Variants in IMMP2L observed in about 807,000 individuals in gnomAD.
The protein encoded by IMMP2L is mitochondrial inner membrane protease subunit 2.
In IMMP2L, 18 loss-of-function variants were observed where a neutral mutation model predicts 19.3. The ratio of observed to expected loss-of-function variants is 0.93; its 90% CI spans 0.64 to 1.38. The LOEUF (loss-of-function observed/expected upper bound fraction) is 1.38. Among genes scored for constraint, IMMP2L ranks in the 40% most tolerant of loss-of-function variants. The pLI, the probability that IMMP2L is intolerant of heterozygous loss-of-function variation, is 0.00. For missense variants in IMMP2L, 233 were observed against 218.2 expected (o/e 1.07, Z -0.43); for synonymous variants, 76 against 73.0 (o/e 1.04, Z -0.21).
chr7:111,008,460 T>C (rs1400230511), intron 3 of IMMP2L, among the ~76,000 whole-genome samples: 1 of 151,976 alleles, frequency 6.6e-6, no homozygotes, highest in East Asian at 1.9e-4. Context: ...TCAAATGTTG[T>C]ATTAGAAAAA....
intron 5 of IMMP2L, among the ~76,000 whole-genome samples, chr7:110,862,853 A>C (rs562541086): frequency 6.6e-6 from 1 of 152,092 alleles, no homozygotes; most frequent in Admixed American, 6.6e-5. Flanking sequence ...AGCAAGTTTG[A>C]GTACAGCCTT....
chr7:111,252,273 C>T (rs1816228476), intron 3 of IMMP2L, among the ~76,000 whole-genome samples: 1 of 152,014 alleles, frequency 6.6e-6, no homozygotes, highest in African/African-American at 2.4e-5. Flanking sequence ...CGGAAACAAA[C>T]TCAAAGTGTA....
At chr7:111,278,262 T>C (rs886529354) in intron 3 of IMMP2L, among the ~76,000 whole-genome samples, 4 of 152,200 alleles carry the variant, frequency 2.6e-5, no homozygotes, top group African/African-American at 7.2e-5. Flanking sequence ...CATACACATT[T>C]ACAGTGCTTC....
chr7:110,899,953 T>C (rs1007866894), intron 4 of IMMP2L, among the ~76,000 whole-genome samples: 1 of 152,336 alleles, frequency 6.6e-6, no homozygotes, highest in Admixed American at 6.5e-5. Flanking sequence ...CCAAGAAATA[T>C]GCTCAATTAT....
chr7:110,701,894 T>C (rs1794314749), intron 5 of IMMP2L, among the ~76,000 whole-genome samples: 1 of 152,132 alleles, frequency 6.6e-6, no homozygotes, highest in African/African-American at 2.4e-5. Flanking sequence ...TCTATATGTG[T>C]ATAGTCAAAT....
chr7:111,550,036 A>T (rs1849303296), intron 1 of IMMP2L, among the ~76,000 whole-genome samples: 1 of 152,082 alleles, frequency 6.6e-6, no homozygotes, highest in Non-Finnish European at 1.5e-5. Context: ...AACAGTGCTA[A>T]ATAGTTATTA....
rs541790211 is a variant in IMMP2L, at chr7:111,168,281, G to GT, written c.240-204717dup. ...TTTTTACTTGTGGGCTTTAAGTTCT[G>GT]TTTTTTTTTTCTACAGACCTGAACC... On this transcript the variant is annotated intron_variant, in intron 3 of 5. Coordinates refer to ENST00000405709, the MANE Select transcript of IMMP2L (RefSeq NM_032549.4). Among the ~76,000 whole-genome samples, 819 of 147,452 alleles carry GT rather than the reference G, an allele frequency of 5.6e-3. 5 individuals are homozygous for GT. Among genetic ancestry groups the GT allele is most frequent in the Admixed American group, 0.022 (321 of 14,718 alleles).
At chr7:110,868,084 C>A (rs148075602) in intron 5 of IMMP2L, among the ~76,000 whole-genome samples, 1 of 147,250 alleles carries the variant, frequency 6.8e-6, no homozygotes, top group Admixed American at 6.9e-5. Context: ...ATCTGTAGCT[C>A]TTTTTATTCT....
At chr7:110,738,469 C>G (rs1192893879) in intron 5 of IMMP2L, among the ~76,000 whole-genome samples, 5 of 152,128 alleles carry the variant, frequency 3.3e-5, no homozygotes, top group African/African-American at 1.2e-4. Context: ...AAAGAAAGAA[C>G]TTGAGAACTC....
intron 3 of IMMP2L, chr7:111,124,247 G>A (rs2129589894): frequency 6.2e-7 from 1 of 1,613,944 alleles, no homozygotes; most frequent in Admixed American, 1.7e-5. Flanking sequence ...AAAGAAGGGG[G>A]TTTATATACT....
chr7:111,052,439 T>C lies in IMMP2L; in HGVS notation c.240-88874A>G, dbSNP rs566832576. On this transcript the variant is annotated intron_variant, in intron 3 of 5. Coordinates refer to ENST00000405709, the MANE Select transcript of IMMP2L (RefSeq NM_032549.4). The stretch of plus-strand genomic sequence containing the variant: ...TTTATTTCTATTAACTTCAACTCTT[T>C]AGGCAAAGCTTAACTTTTTCAACCA... Among the ~76,000 whole-genome samples the C allele has an allele frequency of 6.1e-3, 922 of 152,352 alleles. 9 individuals carry two copies. Among genetic ancestry groups the C allele is most frequent in the Non-Finnish European group, 8.9e-3 (606 of 68,020 alleles).
chr7:111,109,491 G>A (rs372175944), intron 3 of IMMP2L, among the ~76,000 whole-genome samples: 1 of 152,100 alleles, frequency 6.6e-6, no homozygotes, highest in Admixed American at 6.5e-5. Context: ...CAACTAGTAA[G>A]GGGGCAATCA....
intron 3 of IMMP2L, among the ~76,000 whole-genome samples, chr7:111,111,272 G>A (rs1799157811): frequency 7.1e-6 from 1 of 141,364 alleles, no homozygotes. Context: ...TGGGCATATC[G>A]CCCATGCTCT....
intron 3 of IMMP2L, among the ~76,000 whole-genome samples, chr7:111,088,317 T>G (rs900377090): frequency 6.6e-6 from 1 of 152,210 alleles, no homozygotes; most frequent in African/African-American, 2.4e-5. Context: ...TACATTTCCA[T>G]TAAAACTCAG....
At chr7:111,415,197 T>TA (rs1834848475) in intron 3 of IMMP2L, among the ~76,000 whole-genome samples, 1 of 151,656 alleles carries the variant, frequency 6.6e-6, no homozygotes, top group Non-Finnish European at 1.5e-5. Context: ...AGCAAGGACT[T>TA]ACAGGAGGGG....
chr7:111,436,538 C>T (rs1563188888), intron 3 of IMMP2L, among the ~76,000 whole-genome samples: 1 of 151,636 alleles, frequency 6.6e-6, no homozygotes, highest in Non-Finnish European at 1.5e-5. Context: ...CACACACACA[C>T]ACCCCACACA....
chr7:111,268,663 GCTCACTAAAGC>G (rs1400689983), intron 3 of IMMP2L, among the ~76,000 whole-genome samples: 1 of 134,414 alleles, frequency 7.4e-6, no homozygotes, highest in African/African-American at 2.9e-5. Context: ...CATGAACGGG[GCTCACTAAAGC>G]CTCAACCTCC....
chr7:110,901,552 A>G (rs1811863867), intron 4 of IMMP2L, among the ~76,000 whole-genome samples: 1 of 152,176 alleles, frequency 6.6e-6, no homozygotes, highest in African/African-American at 2.4e-5. Context: ...AATTAAGTCT[A>G]AAAACCAAAC....
chr7:111,155,130 C>T (rs548287604), intron 3 of IMMP2L, among the ~76,000 whole-genome samples: 95 of 152,202 alleles, frequency 6.2e-4, no homozygotes, highest in Middle Eastern at 3.4e-3. Context: ...ATTTTGCCTT[C>T]TTCCCTAGGA....
Sources: allele counts gnomAD v4.1 joint callset (sites outside exome capture counted in the v4.1 genomes callset), GRCh38; gene constraint gnomAD v4.1.1; transcripts MANE v1.5; gene names NCBI Gene and HGNC (gene_info 2026-07-23, HGNC 2026-07-21).